ANKRD12: variants seen among roughly 807,000 people sequenced by gnomAD.
The protein encoded by ANKRD12 is ankyrin repeat domain-containing protein 12.
Under a neutral mutation model 183.4 loss-of-function variants are expected in ANKRD12, and 85 were observed. The observed-to-expected ratio is 0.46, with a 90% CI of 0.39 to 0.56. ANKRD12 has a LOEUF of 0.56. Among genes scored for constraint, ANKRD12 ranks in the 20% least tolerant of loss-of-function variants. ANKRD12 has a pLI of 0.00. For synonymous variants in ANKRD12, 914 were observed against 800.2 expected, an observed-to-expected ratio of 1.14 and a Z score of -2.40; for missense variants, 2,405 against 2,357.1, an observed-to-expected ratio of 1.02 and a Z score of -0.42.
chr18:9,247,393 C>T (rs1467952194), intron 8 of ANKRD12, among the ~76,000 whole-genome samples: 1 of 151,670 alleles, frequency 6.6e-6, no homozygotes, highest in Non-Finnish European at 1.5e-5. Context: ...GCAGGAGGAT[C>T]GCATGAGCCC....
chr18:9,186,136 G>GTTTTTTTTTTTTTTTTTTTTTTTTTTTTT (rs1280812557), intron 2 of ANKRD12, among the ~76,000 whole-genome samples: 4 of 141,936 alleles, frequency 2.8e-5, no homozygotes, highest in South Asian at 4.4e-4. Context: ...CTAAAAGTGT[G>GTTTTTTTTTTTTTTTTTTTTTTTTTTTTT]ATTTTTTTTT....
At chr18:9,247,767 C>T (rs186558697) in intron 8 of ANKRD12, among the ~76,000 whole-genome samples, 13 of 151,488 alleles carry the variant, frequency 8.6e-5, no homozygotes, top group Admixed American at 3.3e-4. Context: ...ATTGCATCTC[C>T]ATAGTTTTGG....
At chr18:9,259,344 C>T (rs575651232) in intron 9 of ANKRD12, 29 of 154,744 alleles carry the variant, frequency 1.9e-4, no homozygotes, top group Non-Finnish European at 3.7e-4. Context: ...ATGTTAAACA[C>T]GTGTTTAATG....
In ANKRD12 at chr18:9,173,321, C is replaced by T. The variant is rs536617281; in HGVS notation, c.-51-9061C>T. Among the ~76,000 whole-genome samples, 8 of 152,150 alleles carry T rather than the reference C, an allele frequency of 5.3e-5. No individual in the cohort carries two copies. In the South Asian group the frequency reaches 1.0e-3, roughly 20 times the overall value. On this transcript the variant is annotated intron_variant, in intron 1 of 12. Transcript: ENST00000262126. ...CTGATCTCAGGTGATCCGCCCTCCT[C>T]GGCCTCCCAAAGTCTGAGATTACAG...
At chr18:9,253,716 A>G (rs1443324220) in intron 8 of ANKRD12, among the ~76,000 whole-genome samples, 1 of 152,214 alleles carries the variant, frequency 6.6e-6, no homozygotes, top group Non-Finnish European at 1.5e-5. Context: ...TCCAAAAGAT[A>G]GGCAATAATG....
intron 3 of ANKRD12, 24 bp downstream of exon 3, chr18:9,195,722 G>A (rs542499477): frequency 2.9e-5 from 47 of 1,597,786 alleles, no homozygotes; most frequent in Middle Eastern, 1.7e-4. Flanking sequence ...CTGTTCTCTG[G>A]TAAAATCTTG....
At chr18:9,191,989 C>G (rs1228101928) in intron 2 of ANKRD12, among the ~76,000 whole-genome samples, 1 of 152,210 alleles carries the variant, frequency 6.6e-6, no homozygotes, top group Admixed American at 6.5e-5. Flanking sequence ...AAGGCTCTTG[C>G]TCACATTTCA....
chr18:9,182,999 G>A (rs1471294577), intron 2 of ANKRD12, among the ~76,000 whole-genome samples: 1 of 151,950 alleles, frequency 6.6e-6, no homozygotes, highest in Admixed American at 6.6e-5. Context: ...ATTTTCTTAC[G>A]GAAAGATGTC....
intron 1 of ANKRD12, among the ~76,000 whole-genome samples, chr18:9,158,212 C>A (rs72935268): frequency 6.6e-6 from 1 of 152,046 alleles, no homozygotes; most frequent in East Asian, 1.9e-4. Context: ...ATACCAGTTG[C>A]CTCTATTAAC....
chr18:9,214,238 A>G (rs563115686), intron 6 of ANKRD12, among the ~76,000 whole-genome samples: 2 of 152,264 alleles, frequency 1.3e-5, no homozygotes, highest in South Asian at 4.1e-4. Flanking sequence ...ACCATAAAAT[A>G]TACACAAATC....
Position 9,256,932 on chromosome 18 carries a change from C to A in ANKRD12, c.3665C>A (p.Thr1222Asn), listed in dbSNP as rs568956919. ...GATTCCTGCCATACTACAGTGACAA[C>A]CCCAAGGCCTCCAGTTGAGTATGAC... ...SEDSCHTTVT[T>N]PRPPVEYDSD... The change falls in exon 9 of 13, where the codon ACC becomes AAC. Residue 1222 changes from threonine to asparagine, a missense_variant. By Grantham distance (65) the Thr-to-Asn change is moderately conservative. Around this residue, in one of 7 missense-constraint regions of ANKRD12, gnomAD observed 1,983 missense variants for 1,725.9 expected, o/e 1.15. Transcript: ENST00000262126. 6.2e-7 allele frequency: 1 copy of A among 1,614,066 alleles called. No homozygotes were observed. The highest frequency in any genetic ancestry group is 2.2e-5 in the East Asian group (1 of 44,884).
rs139155521 is a variant in ANKRD12 at position 9,185,390 on chromosome 18, T to C, written c.87+2871T>C. Among the ~76,000 whole-genome samples, 991 of 152,312 alleles carry C rather than the reference T, an allele frequency of 6.5e-3. 6 individuals carry two copies. Among genetic ancestry groups the C allele is most frequent in the Middle Eastern group, 0.017 (5 of 294 alleles). On this transcript the variant is annotated intron_variant, in intron 2 of 12. Transcript: ENST00000262126. Reference sequence around the variant, plus strand: ...AAAGCTGTTGAATGAATTAAACTTGTGTGTGAAGAAAAAATAGTCTGGGTC... The same window carrying C: ...AAAGCTGTTGAATGAATTAAACTTGCGTGTGAAGAAAAAATAGTCTGGGTC...
intron 1 of ANKRD12, among the ~76,000 whole-genome samples, chr18:9,153,699 TTTC>T (rs1373092757): frequency 6.6e-6 from 1 of 152,178 alleles, no homozygotes; most frequent in Non-Finnish European, 1.5e-5. Context: ...AGTACTTTGT[TTTC>T]TTCATTTTCT....
At chr18:9,229,987 G>A (rs2144850210) in intron 8 of ANKRD12, among the ~76,000 whole-genome samples, 1 of 152,234 alleles carries the variant, frequency 6.6e-6, no homozygotes, top group East Asian at 1.9e-4. Context: ...TTTGTAGAAT[G>A]GGTTAGGGAG....
intron 10 of ANKRD12, among the ~76,000 whole-genome samples, chr18:9,270,903 T>TA (rs1568001987): frequency 6.6e-6 from 1 of 152,238 alleles, no homozygotes; most frequent in Non-Finnish European, 1.5e-5. Flanking sequence ...GTCTGACTGA[T>TA]ACGAGAACAA....
chr18:9,257,044 T>C lies in ANKRD12; in HGVS notation c.3777T>C (p.His1259=). 2 of 1,614,162 alleles carry C rather than the reference T, an allele frequency of 1.2e-6. No homozygotes were observed. The highest frequency in any genetic ancestry group is 1.7e-6 in the Non-Finnish European group (2 of 1,180,000). The stretch of plus-strand genomic sequence containing the variant: ...CAATTGCCAAATCTCCTGCTCTTCA[T>C]GAAAGGGAATTGGACAGCCTGGCTG... The part of the protein sequence containing the change: ...FLSIAKSPAL[H]ERELDSLADL... The change falls in exon 9 of 13, where the codon CAT becomes CAC. Residue 1259 remains histidine (H), a synonymous_variant. Coordinates refer to ENST00000262126, the MANE Select transcript of ANKRD12 (RefSeq NM_015208.5).
At chr18:9,157,555 G>GTATGTGTATA (rs199894678) in intron 1 of ANKRD12, among the ~76,000 whole-genome samples, 38 of 84,170 alleles carry the variant, frequency 4.5e-4, no homozygotes, top group African/African-American at 1.5e-3. Context: ...GTGTGGGTGT[G>GTATGTGTATA]TGTGTGTGTG....
intron 2 of ANKRD12, among the ~76,000 whole-genome samples, chr18:9,183,683 C>T (rs1249951251): frequency 6.6e-6 from 1 of 151,654 alleles, no homozygotes; most frequent in Non-Finnish European, 1.5e-5. Context: ...ACTTCTTTTC[C>T]AGTCCGGATA....
rs571368208 is a variant in ANKRD12 at position 9,143,084 on chromosome 18, A to T, written c.-52+6119A>T. 4.6e-5 allele frequency among the ~76,000 whole-genome samples: 7 copies of T among 152,272 alleles called. No homozygotes were observed. In the South Asian group the frequency reaches 1.4e-3, roughly 32 times the overall value. On this transcript the variant is annotated intron_variant, in intron 1 of 12. Transcript: ENST00000262126. ...TCCTTTCTACCAGAGTTTAATTCTC[A>T]CTACTTGGAAGTTACTTGGTAATCA...
Sources: gnomAD v4.1 joint callset for allele counts (sites outside exome capture counted in the v4.1 genomes callset) on GRCh38, gnomAD v4.1.1 for gene constraint, gnomAD v4.1.1 regional missense constraint, MANE v1.5 for transcripts, NCBI Gene and HGNC (gene_info 2026-07-23, HGNC 2026-07-21) for gene names.